Variants in JAM3 observed in about 807,000 individuals in gnomAD.
The protein encoded by JAM3 is junctional adhesion molecule C.
Under a neutral mutation model 39.4 loss-of-function variants are expected in JAM3, and 31 were observed. The ratio of observed to expected loss-of-function variants is 0.79; its 90% CI spans 0.59 to 1.06. The LOEUF is 1.06. JAM3 is among the 50% of genes least tolerant of loss of function. The pLI, the probability that JAM3 is intolerant of heterozygous loss-of-function variation, is 0.00. For synonymous variants in JAM3, 182 were observed against 148.7 expected (o/e 1.22, Z -1.63); for missense variants, 455 against 391.4 (o/e 1.16, Z -1.37).
chr11:134,073,716 G>C (rs1162986370), intron 1 of JAM3, among the ~76,000 whole-genome samples: 1 of 152,200 alleles, frequency 6.6e-6, no homozygotes, highest in Non-Finnish European at 1.5e-5. Context: ...TTAGGTGTCA[G>C]TGCATTGTAT....
At position 134,144,371 on chromosome 11, in the gene JAM3, T is replaced by G. The variant is rs1350966118; in HGVS notation, c.387T>G (p.Ile129Met). 2.5e-6 allele frequency: 4 copies of G among 1,614,220 alleles called. No individual in the cohort carries two copies. The Admixed American group carries it at 6.7e-5, about 27-fold the overall frequency. Residue 129 changes from isoleucine to methionine, a missense_variant, in exon 4 of 9, where the codon ATT (isoleucine) becomes ATG (methionine). Coordinates refer to ENST00000299106, the MANE Select transcript of JAM3 (RefSeq NM_032801.5). The stretch of plus-strand genomic sequence containing the variant: ...ATGACCGCAAGGAAATTGATGAGAT[T>G]GTGATCGAGTTAACTGTGCAAGGTA... The part of the protein sequence containing the change: ...ARNDRKEIDE[I>M]VIELTVQVKP...
intron 1 of JAM3, among the ~76,000 whole-genome samples, chr11:134,115,614 A>G (rs938174921): frequency 2.0e-5 from 3 of 151,844 alleles, no homozygotes; most frequent in African/African-American, 7.3e-5. Context: ...AGATTGGGGG[A>G]GGGGGTCAGG....
At chr11:134,116,828 A>G (rs977576130) in intron 1 of JAM3, among the ~76,000 whole-genome samples, 4 of 152,182 alleles carry the variant, frequency 2.6e-5, no homozygotes, top group Non-Finnish European at 2.9e-5. Flanking sequence ...TATCTATGTT[A>G]AAATAAACAT....
intron 1 of JAM3, among the ~76,000 whole-genome samples, chr11:134,133,268 C>G (rs190683329): frequency 5.9e-5 from 9 of 152,308 alleles, no homozygotes; most frequent in Non-Finnish European, 1.0e-4. Context: ...TCCTTTCCAA[C>G]TTCGATTCCT....
At chr11:134,146,110 ATAT>A (rs370380432) in intron 6 of JAM3, 65 bp downstream of exon 6, 5 of 1,103,054 alleles carry the variant, frequency 4.5e-6, no homozygotes, top group South Asian at 2.5e-5. Flanking sequence ...TTTTAATTTA[ATAT>A]TATACCATCA....
At chr11:134,147,632 A>G (rs562997096) in intron 6 of JAM3, among the ~76,000 whole-genome samples, 1,611 of 151,658 alleles carry the variant, frequency 0.011, 25 homozygotes, top group African/African-American at 0.036. Context: ...GACTACAGGC[A>G]CCTGCCAACA....
intron 1 of JAM3, among the ~76,000 whole-genome samples, chr11:134,125,006 AGC>A (rs1277058673): frequency 6.6e-6 from 1 of 152,190 alleles, no homozygotes; most frequent in Non-Finnish European, 1.5e-5. Flanking sequence ...CCCCAGCCTC[AGC>A]GCGCGACACC....
chr11:134,132,091 C>G (rs1746393372), intron 1 of JAM3, among the ~76,000 whole-genome samples: 1 of 152,144 alleles, frequency 6.6e-6, no homozygotes, highest in Admixed American at 6.5e-5. Context: ...CCAAAAATCT[C>G]ACTAGACTCT....
intron 1 of JAM3, among the ~76,000 whole-genome samples, chr11:134,116,461 A>G (rs1942435820): frequency 1.3e-5 from 2 of 152,112 alleles, no homozygotes; most frequent in Non-Finnish European, 2.9e-5. Context: ...TATTCTTTGT[A>G]TTATAATCCA....
Position 134,140,916 on chromosome 11 carries a change from G to C in JAM3, c.256+146G>C, listed in dbSNP as rs894390521. ...TTTTTTTTAAAGATTTATAATTATG[G>C]AAAATTTCAAATATATGCAAAAGTA... On this transcript the variant is annotated intron_variant, in intron 3 of 8. Coordinates refer to ENST00000299106, the MANE Select transcript of JAM3 (RefSeq NM_032801.5). The C allele has an allele frequency of 1.6e-5, 18 of 1,100,780 alleles. No individual in the cohort carries two copies. In the African/African-American group the frequency reaches 2.9e-4, roughly 18 times the overall value. The allele number at this position is 1,100,780 out of a possible 1,614,324, so 68.2% of individuals were successfully genotyped here. A position where few individuals can be genotyped will look rare whatever the true frequency, so the allele number is the denominator to read the frequency against.
At chr11:134,122,697 A>G (rs556216128) in intron 1 of JAM3, among the ~76,000 whole-genome samples, 32 of 152,246 alleles carry the variant, frequency 2.1e-4, no homozygotes, top group Non-Finnish European at 4.0e-4. Flanking sequence ...AACTTTACAT[A>G]TAGGGGGCAG....
intron 1 of JAM3, among the ~76,000 whole-genome samples, chr11:134,121,955 G>A (rs185579177): frequency 2.0e-5 from 3 of 152,170 alleles, no homozygotes; most frequent in Admixed American, 2.0e-4. Flanking sequence ...CTTAGCACGT[G>A]TGCTGTTTTG....
At chr11:134,071,302 A>G (rs920875978) in intron 1 of JAM3, among the ~76,000 whole-genome samples, 6 of 152,146 alleles carry the variant, frequency 3.9e-5, no homozygotes, top group Non-Finnish European at 8.8e-5. Context: ...AGAGATTCAG[A>G]CCCTTGTCGG....
At position 134,144,335 on chromosome 11, in the gene JAM3, C is replaced by G; in HGVS notation, c.351C>G (p.Val117=). 6.2e-7 allele frequency: 1 copy of G among 1,614,138 alleles called. No homozygotes were observed. The highest frequency in any genetic ancestry group is 8.5e-7 in the Non-Finnish European group (1 of 1,180,032). Residue 117 remains valine (V), a synonymous_variant, in exon 4 of 9, where the codon GTC becomes GTG. Coordinates refer to ENST00000299106, the MANE Select transcript of JAM3 (RefSeq NM_032801.5). ...ACTCAGCCCTTTATCGCTGTGAGGT[C>G]GTTGCTCGAAATGACCGCAAGGAAA... ...RRDSALYRCE[V]VARNDRKEID... is the part of the protein sequence containing the mutation.
At chr11:134,077,942 G>A (rs1203196843) in intron 1 of JAM3, among the ~76,000 whole-genome samples, 11 of 151,932 alleles carry the variant, frequency 7.2e-5, no homozygotes, top group Admixed American at 5.9e-4. Context: ...GTGAGGCACC[G>A]CGCCCGGCCA....
At chr11:134,070,265 G>T (rs1941466515) in intron 1 of JAM3, 1 of 454,888 alleles carries the variant, frequency 2.2e-6, no homozygotes, top group African/African-American at 2.0e-5. Flanking sequence ...TCTTCCCCTG[G>T]CAGCCATCCG....
At chr11:134,140,471 T>A (rs1942954035) in intron 2 of JAM3, among the ~76,000 whole-genome samples, 186 bp from the exon 3 acceptor site, 1 of 152,196 alleles carries the variant, frequency 6.6e-6, no homozygotes, top group African/African-American at 2.4e-5. Context: ...AGTAAAATCC[T>A]TGCTAATTAT....
At chr11:134,078,903 G>A (rs753387895) in intron 1 of JAM3, among the ~76,000 whole-genome samples, 1 of 152,124 alleles carries the variant, frequency 6.6e-6, no homozygotes, top group Non-Finnish European at 1.5e-5. Context: ...GCCTGGTATG[G>A]TGACATGCGC....
At chr11:134,097,808 T>G (rs1335374659) in intron 1 of JAM3, among the ~76,000 whole-genome samples, 1 of 151,758 alleles carries the variant, frequency 6.6e-6, no homozygotes, top group Non-Finnish European at 1.5e-5. Context: ...TTTAAAAGAG[T>G]GATCTTCAGA....
Sources: gnomAD v4.1 joint callset for allele counts (sites outside exome capture counted in the v4.1 genomes callset) on GRCh38, gnomAD v4.1.1 for gene constraint, MANE v1.5 for transcripts, NCBI Gene and HGNC (gene_info 2026-07-23, HGNC 2026-07-21) for gene names.